PELO: variants seen among roughly 807,000 people sequenced by gnomAD.
The protein encoded by PELO is pelota mRNA surveillance and ribosome rescue factor.
Under a neutral mutation model 25.9 loss-of-function variants are expected in PELO, and 19 were observed. The ratio of observed to expected loss-of-function variants is 0.73; its 90% confidence interval spans 0.51 to 1.08. PELO has a LOEUF of 1.08. PELO is among the 50% of genes least tolerant of loss of function. PELO has a pLI of 0.00. For synonymous variants in PELO, 196 were observed against 192.2 expected, an observed-to-expected ratio of 1.02 and a Z score of -0.16; for missense variants, 498 against 491.4, an observed-to-expected ratio of 1.01 and a Z score of -0.13.
chr5:52,796,448 A>C (rs947844022), intron 1 of PELO, among the ~76,000 whole-genome samples: 1 of 152,030 alleles, frequency 6.6e-6, no homozygotes, highest in East Asian at 1.9e-4. Flanking sequence ...CAGCCAATAC[A>C]TAAGTATAAA....
chr5:52,801,628 G>GAGCT lies in PELO; in HGVS notation c.947_950dup (p.Phe318AlafsTer28), dbSNP rs762546177. On this transcript the variant is annotated frameshift_variant, in exon 3 of 3. Transcript: ENST00000274311. LOFTEE classifies it high-confidence loss of function. ...AATTGACACATTGCTCATCAGCGAT[G>GAGCT]AGCTCTTCAGGCATCAGGATGTAGC... 1.2e-6 allele frequency: 2 copies of GAGCT among 1,614,164 alleles called. No individual in the cohort carries two copies. The highest frequency in any genetic ancestry group is 1.7e-6 in the Non-Finnish European group (2 of 1,180,006).
chr5:52,791,818 A>T (rs1157301056), intron 1 of PELO, among the ~76,000 whole-genome samples: 2 of 152,236 alleles, frequency 1.3e-5, no homozygotes, highest in East Asian at 1.9e-4. Flanking sequence ...TATTTTAGAG[A>T]TGAGGAAATC....
rs961463871 is a variant in PELO at position 52,803,196 on chromosome 5, A to G, written c.*1356A>G. 5 of 152,144 alleles carry G rather than the reference A, an allele frequency of 3.3e-5. No homozygotes were observed. Among genetic ancestry groups the G allele is most frequent in the Admixed American group, 3.3e-4 (5 of 15,276 alleles). The allele number at this position is 152,144 out of a possible 1,614,324, so 9.4% of individuals were successfully genotyped here. On this transcript the variant is annotated 3_prime_UTR_variant, in exon 3 of 3. Coordinates refer to ENST00000274311, the MANE Select transcript of PELO (RefSeq NM_015946.5). ...GGGATTTCTTGTAAACTTCCTAACT[A>G]GTCTGAACCTTTTTATTTCTTATTG...
intron 1 of PELO, among the ~76,000 whole-genome samples, chr5:52,797,427 C>T (rs1340336258): frequency 6.6e-6 from 1 of 151,194 alleles, no homozygotes; most frequent in Non-Finnish European, 1.5e-5. Context: ...TTAGATCTTT[C>T]TCTAAGAGTA....
chr5:52,795,369 T>G lies in PELO; in HGVS notation c.-510-4516T>G, dbSNP rs578064240. On this transcript the variant is annotated intron_variant, in intron 1 of 2. Coordinates refer to ENST00000274311, the MANE Select transcript of PELO (RefSeq NM_015946.5). ...GGAAAGTAAGCCTTCCAAAATAAAA[T>G]ACAAGATGAAAACAAGAAAATTTAT... Among the ~76,000 whole-genome samples, 383 of 151,928 alleles carry G rather than the reference T, an allele frequency of 2.5e-3. 1 individual carries two copies. Among genetic ancestry groups the G allele is most frequent in the African/African-American group, 8.8e-3 (365 of 41,512 alleles).
chr5:52,794,254 T>A (rs989845393), intron 1 of PELO, among the ~76,000 whole-genome samples: 1 of 151,318 alleles, frequency 6.6e-6, no homozygotes, highest in African/African-American at 2.4e-5. Flanking sequence ...ATATAGCACC[T>A]AAGTCACTTT....
chr5:52,789,232 T>C (rs904064573), intron 1 of PELO, among the ~76,000 whole-genome samples: 1 of 151,806 alleles, frequency 6.6e-6, no homozygotes, highest in African/African-American at 2.4e-5. Flanking sequence ...TGGGGGAAAG[T>C]TGAAATGGTG....
Position 52,800,130 on chromosome 5 carries a change from G to A in PELO, c.-265G>A, listed in dbSNP as rs1368482677. ...GCCCGCTGTTGCGTGCTGCCAGCGG[G>A]AACTGTGTAGGGGTAGATTTTCGCT... On this transcript the variant is annotated 5_prime_UTR_variant, in exon 2 of 3. Transcript: ENST00000274311. The A allele has an allele frequency of 2.3e-6, 1 of 439,894 alleles. No individual in the cohort carries two copies. The highest frequency in any genetic ancestry group is 4.3e-5 in the East Asian group (1 of 23,150). 27.2% of individuals were successfully genotyped at this position (439,894 alleles called of 1,614,324 possible).
chr5:52,797,327 T>C lies in PELO; in HGVS notation c.-510-2558T>C, dbSNP rs374989601. On this transcript the variant is annotated intron_variant, in intron 1 of 2. Coordinates refer to ENST00000274311, the MANE Select transcript of PELO (RefSeq NM_015946.5). ...TTGCCTCATAACTTAAAAAAAAATT[T>C]TTTTAACCATGGATTTAAGAGTCAA... 1.7e-4 allele frequency among the ~76,000 whole-genome samples: 26 copies of C among 152,194 alleles called. No individual in the cohort carries two copies. In the East Asian group the frequency reaches 2.1e-3, roughly 12 times the overall value.
In PELO at chr5:52,801,411, A is replaced by G; in HGVS notation, c.729A>G (p.Val243=). The part of the protein sequence containing the change: ...LLENRSKFLQ[V]HASSGHKYSL... ...AACTTTTGTAATTGTGATTCTAGGT[A>G]CATGCCTCCTCCGGACACAAGTACT... The change falls in exon 3 of 3, where the codon GTA becomes GTG. Residue 243 remains valine (V), a splice_region_variant and synonymous_variant. Transcript: ENST00000274311. The G allele has an allele frequency of 1.2e-6, 2 of 1,610,514 alleles. No individual in the cohort carries two copies. The highest frequency in any genetic ancestry group is 2.2e-5 in the East Asian group (1 of 44,856).
chr5:52,795,364 T>C (rs1748321020), intron 1 of PELO, among the ~76,000 whole-genome samples: 1 of 151,742 alleles, frequency 6.6e-6, no homozygotes, highest in Admixed American at 6.6e-5. Context: ...CCTTCCAAAA[T>C]AAAATACAAG....
chr5:52,791,236 A>G (rs13162617), intron 1 of PELO, among the ~76,000 whole-genome samples: 61,371 of 152,126 alleles, frequency 0.4, 13,900 homozygotes, highest in South Asian at 0.54. Context: ...GACAGTTTAG[A>G]GAGGCCTTAA....
At chr5:52,791,842 A>G (rs544708504) in intron 1 of PELO, among the ~76,000 whole-genome samples, 1 of 152,336 alleles carries the variant, frequency 6.6e-6, no homozygotes, top group South Asian at 2.1e-4. Flanking sequence ...ATATAGTATT[A>G]AGAAGTTAAT....
chr5:52,793,730 T>C (rs1748286395), intron 1 of PELO, among the ~76,000 whole-genome samples: 1 of 152,040 alleles, frequency 6.6e-6, no homozygotes, highest in Non-Finnish European at 1.5e-5. Flanking sequence ...GCCAAGTTTA[T>C]ATCTGATTTA....
chr5:52,800,406 G>A lies in PELO; in HGVS notation c.12G>A (p.Val4=). The A allele has an allele frequency of 6.2e-7, 1 of 1,613,944 alleles. No homozygotes were observed. The highest frequency in any genetic ancestry group is 2.2e-5 in the East Asian group (1 of 44,870). MKL[V]RKNIEKDNAG... ...CCCCTTCCTTGGCCATGAAGCTCGT[G>A]AGGAAGAACATCGAGAAGGACAATG... is the stretch of plus-strand genomic sequence containing the variant. Residue 4 remains valine, a synonymous_variant, in exon 2 of 3, where the codon GTG becomes GTA. Transcript: ENST00000274311.
At position 52,788,128 on chromosome 5, in the gene PELO, G is replaced by T; in HGVS notation, c.-797G>T. 1 of 433,370 alleles carries T rather than the reference G, an allele frequency of 2.3e-6. No individual in the cohort carries two copies. Among genetic ancestry groups the T allele is most frequent in the Non-Finnish European group, 4.1e-6 (1 of 243,592 alleles). The allele number at this position is 433,370 out of a possible 1,614,324, so 26.8% of individuals were successfully genotyped here. ...AGACCAAGAGCGCGAAGGGGCGGGC[G>T]ATGTGGCAATCCGTCTGGGATGTGA... On this transcript the variant is annotated 5_prime_UTR_variant, in exon 1 of 3. Coordinates refer to ENST00000274311, the MANE Select transcript of PELO (RefSeq NM_015946.5).
In PELO at chr5:52,803,290, A is replaced by G. The variant is rs1394765967; in HGVS notation, c.*1450A>G. ...TTTTGTACATCTATCTCCTAATTCA[A>G]AAGTAATTGAGATTGTCATTTCATT... On this transcript the variant is annotated 3_prime_UTR_variant, in exon 3 of 3. Coordinates refer to ENST00000274311, the MANE Select transcript of PELO (RefSeq NM_015946.5). 6.6e-6 allele frequency: 1 copy of G among 151,848 alleles called. No homozygotes were observed. The highest frequency in any genetic ancestry group is 1.5e-5 in the Non-Finnish European group (1 of 67,966). 9.4% of individuals were successfully genotyped at this position (151,848 alleles called of 1,614,324 possible).
rs79848047 is a variant in PELO, at chr5:52,795,631, T to G, written c.-510-4254T>G. ...CCCCAAAGATTATCCATCAGTCAAC[T>G]CTACCAAACCAGTTATTTTTCCAAG... On this transcript the variant is annotated intron_variant, in intron 1 of 2. Transcript: ENST00000274311. Among the ~76,000 whole-genome samples the G allele has an allele frequency of 4.2e-3, 640 of 152,070 alleles. 2 individuals carry two copies. The highest frequency in any genetic ancestry group is 7.1e-3 in the Non-Finnish European group (482 of 67,834).
chr5:52,788,785 C>A (rs1748180792), intron 1 of PELO, among the ~76,000 whole-genome samples: 1 of 152,050 alleles, frequency 6.6e-6, no homozygotes, highest in African/African-American at 2.4e-5. Context: ...GAGGGTGATG[C>A]TTATAGGGCG....
Sources: allele counts gnomAD v4.1 joint callset (sites outside exome capture counted in the v4.1 genomes callset), GRCh38; gene constraint gnomAD v4.1.1; transcripts MANE v1.5; gene names NCBI Gene and HGNC (gene_info 2026-07-23, HGNC 2026-07-21).